FOXP1: variants seen among roughly 807,000 people sequenced by gnomAD.
FOXP1 encodes the protein forkhead box protein P1.
Under a neutral mutation model 98.2 loss-of-function variants are expected in FOXP1, and 15 were observed. The observed-to-expected ratio is 0.15, with a 90% CI of 0.10 to 0.24. The LOEUF is 0.24. Among genes scored for constraint, FOXP1 ranks in the 10% least tolerant of loss-of-function variants. The pLI is 1.00. For synonymous variants in FOXP1, 371 were observed against 314.5 expected, an observed-to-expected ratio of 1.18 and a Z score of -1.90; for missense variants, 633 against 848.5, an observed-to-expected ratio of 0.75 and a Z score of 3.15.
Position 71,029,195 on chromosome 3 carries a change from C to T in FOXP1, c.869+12133G>A, listed in dbSNP as rs549045715. Among the ~76,000 whole-genome samples the T allele has an allele frequency of 2.6e-5, 4 of 152,286 alleles. No homozygotes were observed. The South Asian group carries it at 6.2e-4, about 24-fold the overall frequency. ...TGACATCTCATTAGTTCACTTTCTTCTGAACATTTCATGTAGTCTCTGCAA... is the reference window on the plus strand; with the variant it reads ...TGACATCTCATTAGTTCACTTTCTTTTGAACATTTCATGTAGTCTCTGCAA... On this transcript the variant is annotated intron_variant, in intron 11 of 20. Transcript: ENST00000649528.
chr3:71,183,870 G>C (rs1193924709), intron 6 of FOXP1, among the ~76,000 whole-genome samples: 1 of 152,070 alleles, frequency 6.6e-6, no homozygotes, highest in African/African-American at 2.4e-5. Flanking sequence ...AAGCCCTCCA[G>C]CGCCTGGCGT....
intron 3 of FOXP1, among the ~76,000 whole-genome samples, chr3:71,467,601 G>A (rs1468131313): frequency 6.6e-6 from 1 of 152,158 alleles, no homozygotes; most frequent in East Asian, 1.9e-4. Context: ...GATAGTTGGG[G>A]GTAGCCTGTG....
At chr3:71,544,791 A>G (rs1001485993) in intron 2 of FOXP1, among the ~76,000 whole-genome samples, 1 of 152,224 alleles carries the variant, frequency 6.6e-6, no homozygotes, top group Non-Finnish European at 1.5e-5. Context: ...TGATTAAGTG[A>G]AACTTGGATA....
intron 3 of FOXP1, among the ~76,000 whole-genome samples, chr3:71,383,603 G>A (rs2080341787): frequency 1.3e-5 from 2 of 152,178 alleles, no homozygotes; most frequent in Admixed American, 1.3e-4. Flanking sequence ...TTCAGTTTTT[G>A]CTACATTTAT....
At chr3:70,967,360 C>T (rs1310329556) in intron 19 of FOXP1, among the ~76,000 whole-genome samples, 1 of 152,222 alleles carries the variant, frequency 6.6e-6, no homozygotes, top group African/African-American at 2.4e-5. Context: ...AAGTCCTGTG[C>T]ACACTCACCA....
chr3:71,242,263 A>T (rs2067347827), intron 5 of FOXP1, among the ~76,000 whole-genome samples: 1 of 152,154 alleles, frequency 6.6e-6, no homozygotes, highest in African/African-American at 2.4e-5. Flanking sequence ...TTTTTTCCTC[A>T]TTCCAGCCCA....
At chr3:71,044,877 C>T (rs1266522650) in intron 10 of FOXP1, among the ~76,000 whole-genome samples, 1 of 152,142 alleles carries the variant, frequency 6.6e-6, no homozygotes, top group Non-Finnish European at 1.5e-5. Context: ...CCTTGTACAT[C>T]CATACCCAGG....
chr3:71,299,023 G>T (rs933587228), intron 5 of FOXP1, among the ~76,000 whole-genome samples: 6 of 151,982 alleles, frequency 3.9e-5, no homozygotes, highest in Admixed American at 2.6e-4. Context: ...TACTGCTTGA[G>T]AAATATCAGA....
chr3:71,490,062 A>C (rs2090953454), intron 3 of FOXP1, among the ~76,000 whole-genome samples: 1 of 152,200 alleles, frequency 6.6e-6, no homozygotes, highest in Admixed American at 6.5e-5. Flanking sequence ...TAAACTGTAA[A>C]GTTCTAAAAG....
intron 2 of FOXP1, among the ~76,000 whole-genome samples, chr3:71,565,465 G>A (rs2046839579): frequency 6.6e-6 from 1 of 152,066 alleles, no homozygotes; most frequent in African/African-American, 2.4e-5. Flanking sequence ...GAGCTAAACA[G>A]ACTCTTAATA....
At chr3:71,311,152 A>T (rs1313594071) in intron 4 of FOXP1, among the ~76,000 whole-genome samples, 1 of 152,072 alleles carries the variant, frequency 6.6e-6, no homozygotes, top group Non-Finnish European at 1.5e-5. Context: ...TGGCACGATC[A>T]TGACTCACTG....
At chr3:71,505,174 C>T (rs1394740713) in intron 2 of FOXP1, among the ~76,000 whole-genome samples, 1 of 152,084 alleles carries the variant, frequency 6.6e-6, no homozygotes, top group Non-Finnish European at 1.5e-5. Flanking sequence ...GACAACCTGG[C>T]AACATAGAGT....
At chr3:71,034,992 G>C (rs148359477) in intron 11 of FOXP1, among the ~76,000 whole-genome samples, 2 of 152,322 alleles carry the variant, frequency 1.3e-5, no homozygotes, top group East Asian at 3.9e-4. Context: ...AGTGTCTGGA[G>C]AAAAGTCCTG....
intron 2 of FOXP1, among the ~76,000 whole-genome samples, chr3:71,568,135 C>G (rs968859261): frequency 6.6e-6 from 1 of 151,556 alleles, no homozygotes; most frequent in Non-Finnish European, 1.5e-5. Context: ...AGGAAAGAAA[C>G]TCGAGCAGGA....
chr3:71,398,433 T>G (rs555012970), intron 3 of FOXP1, among the ~76,000 whole-genome samples: 1 of 152,224 alleles, frequency 6.6e-6, no homozygotes, highest in African/African-American at 2.4e-5. Context: ...CGCCAGCCCT[T>G]TAGTCTCATT....
At chr3:71,131,422 AG>A (rs1575923267) in intron 6 of FOXP1, among the ~76,000 whole-genome samples, 2 of 148,746 alleles carry the variant, frequency 1.3e-5, no homozygotes, top group Admixed American at 6.7e-5. Context: ...AAAAAAAAAA[AG>A]GAGGAAGAAA....
intron 12 of FOXP1, among the ~76,000 whole-genome samples, chr3:71,013,795 A>G (rs1349333906): frequency 6.6e-6 from 1 of 152,230 alleles, no homozygotes; most frequent in African/African-American, 2.4e-5. Flanking sequence ...CTGGTACTAC[A>G]ACAGGGATAT....
chr3:71,539,213 G>A (rs1016956667), intron 2 of FOXP1, among the ~76,000 whole-genome samples: 3 of 149,720 alleles, frequency 2.0e-5, no homozygotes, highest in Non-Finnish European at 3.0e-5. Context: ...CCGGGTTCAC[G>A]CCATTCTCCT....
chr3:71,092,314 T>G (rs1575635156), intron 7 of FOXP1, among the ~76,000 whole-genome samples: 2 of 151,360 alleles, frequency 1.3e-5, no homozygotes, highest in Non-Finnish European at 2.9e-5. Flanking sequence ...AGGGAGGAGG[T>G]TGCAGTGAGC....
Sources: allele counts gnomAD v4.1 joint callset (sites outside exome capture counted in the v4.1 genomes callset), GRCh38; gene constraint gnomAD v4.1.1; transcripts MANE v1.5; gene names NCBI Gene and HGNC (gene_info 2026-07-23, HGNC 2026-07-21).